Variants in SLC9A9 observed in about 807,000 individuals in gnomAD.
SLC9A9 encodes sodium/hydrogen exchanger 9.
SLC9A9 carries 62 observed loss-of-function variants against 77.8 expected under a neutral mutation model. The observed-to-expected ratio is 0.80, with a 90% CI of 0.65 to 0.98. The LOEUF (loss-of-function observed/expected upper bound fraction) is 0.98, where lower values mean the gene tolerates loss of function less well. Among genes scored for constraint, SLC9A9 ranks in the 50% least tolerant of loss-of-function variants. The pLI is 0.00. For missense variants in SLC9A9, 775 were observed against 774.9 expected, an observed-to-expected ratio of 1.00 and a Z score of 0.00; for synonymous variants, 320 against 283.5, an observed-to-expected ratio of 1.13 and a Z score of -1.29.
intron 4 of SLC9A9, among the ~76,000 whole-genome samples, chr3:143,718,900 A>G (rs967182173): frequency 2.0e-5 from 3 of 152,138 alleles, no homozygotes; most frequent in Non-Finnish European, 4.4e-5. Context: ...AAGCATTCCT[A>G]TTTAGTAGCT....
intron 4 of SLC9A9, among the ~76,000 whole-genome samples, chr3:143,702,511 T>A (rs558838317): frequency 1.1e-3 from 167 of 151,732 alleles, no homozygotes; most frequent in African/African-American, 4.0e-3. Context: ...AAATAATGAG[T>A]TACAAGATAG....
At chr3:143,830,966 T>C (rs1576757946) in intron 2 of SLC9A9, among the ~76,000 whole-genome samples, 1 of 152,308 alleles carries the variant, frequency 6.6e-6, no homozygotes, top group East Asian at 1.9e-4. Context: ...TTGACTTTCC[T>C]GAGCCCTTAC....
rs533285573 is a variant in SLC9A9, at chr3:143,765,004, T to C, written c.533+29997A>G. 1.1e-3 allele frequency among the ~76,000 whole-genome samples: 169 copies of C among 150,380 alleles called. 1 individual carries two copies. Among genetic ancestry groups the C allele is most frequent in the East Asian group, 0.011 (57 of 5,156 alleles). The stretch of plus-strand genomic sequence containing the variant: ...CTTCCTTCCTTCCTTCCTTCCTTTC[T>C]TTCTTTCTCTCTTTCTCTTTCTTTC... On this transcript the variant is annotated intron_variant, in intron 4 of 15. Coordinates refer to ENST00000316549, the MANE Select transcript of SLC9A9 (RefSeq NM_173653.4).
chr3:143,667,539 C>T (rs1375491883), intron 5 of SLC9A9, among the ~76,000 whole-genome samples: 1 of 152,154 alleles, frequency 6.6e-6, no homozygotes, highest in Non-Finnish European at 1.5e-5. Flanking sequence ...TCAGAGTGAG[C>T]AGGCAACCTA....
intron 4 of SLC9A9, among the ~76,000 whole-genome samples, chr3:143,784,286 TC>T (rs907369346): frequency 6.6e-6 from 1 of 152,182 alleles, no homozygotes; most frequent in African/African-American, 2.4e-5. Flanking sequence ...TTATGTATTT[TC>T]CCACACAAAT....
intron 6 of SLC9A9, among the ~76,000 whole-genome samples, chr3:143,605,766 T>G (rs192805213): frequency 4.2e-4 from 64 of 152,338 alleles, no homozygotes; most frequent in African/African-American, 1.4e-3. Flanking sequence ...CATCACTCAG[T>G]GCTGACAGGT....
chr3:143,366,972 A>C (rs1410127729), intron 13 of SLC9A9, among the ~76,000 whole-genome samples: 2 of 152,220 alleles, frequency 1.3e-5, no homozygotes, highest in Non-Finnish European at 2.9e-5. Flanking sequence ...GTGAACTGCC[A>C]ATGGCTTTGA....
chr3:143,308,531 G>A (rs528413137), intron 14 of SLC9A9, among the ~76,000 whole-genome samples: 28 of 151,562 alleles, frequency 1.8e-4, no homozygotes, highest in Non-Finnish European at 2.8e-4. Flanking sequence ...AGCCGAGATC[G>A]CACCACTGCA....
intron 9 of SLC9A9, among the ~76,000 whole-genome samples, chr3:143,536,693 A>T (rs767355342): frequency 5.3e-5 from 8 of 152,216 alleles, no homozygotes; most frequent in Non-Finnish European, 8.8e-5. Context: ...TTATTTGGGT[A>T]ATGTCTTAGA....
At chr3:143,454,986 C>G (rs1233513347) in intron 12 of SLC9A9, among the ~76,000 whole-genome samples, 3 of 152,164 alleles carry the variant, frequency 2.0e-5, no homozygotes, top group African/African-American at 7.2e-5. Context: ...ATTAAGTCAG[C>G]CTCACAAGGT....
intron 11 of SLC9A9, among the ~76,000 whole-genome samples, chr3:143,473,653 A>G (rs2035415854): frequency 6.6e-6 from 1 of 152,218 alleles, no homozygotes; most frequent in Non-Finnish European, 1.5e-5. Flanking sequence ...CATACTGCCC[A>G]TGCCACTTGT....
chr3:143,599,675 G>A (rs2037812819), intron 6 of SLC9A9, among the ~76,000 whole-genome samples: 1 of 151,908 alleles, frequency 6.6e-6, no homozygotes, highest in Admixed American at 6.6e-5. Context: ...GAGCAATAAG[G>A]AATCCAAATT....
At chr3:143,695,192 T>G (rs903857364) in intron 4 of SLC9A9, among the ~76,000 whole-genome samples, 2 of 152,034 alleles carry the variant, frequency 1.3e-5, no homozygotes, top group South Asian at 2.1e-4. Context: ...TTATTACTAT[T>G]ATTATTATTA....
chr3:143,404,636 A>G (rs1469169922), intron 12 of SLC9A9, among the ~76,000 whole-genome samples: 1 of 152,012 alleles, frequency 6.6e-6, no homozygotes, highest in African/African-American at 2.4e-5. Context: ...GGCTGCACTA[A>G]TCTACCTCTT....
At chr3:143,604,502 G>A (rs1405348762) in intron 6 of SLC9A9, among the ~76,000 whole-genome samples, 1 of 152,194 alleles carries the variant, frequency 6.6e-6, no homozygotes, top group Non-Finnish European at 1.5e-5. Context: ...GAGTTGGGAT[G>A]GCAACCAGAA....
intron 4 of SLC9A9, among the ~76,000 whole-genome samples, chr3:143,704,357 C>T (rs6769564): frequency 0.53 from 80,438 of 151,236 alleles, 21,693 homozygotes; most frequent in Non-Finnish European, 0.57. Context: ...CAATAACGCA[C>T]TGAAAACATC....
At chr3:143,662,666 C>T (rs946161693) in intron 5 of SLC9A9, among the ~76,000 whole-genome samples, 11 of 152,196 alleles carry the variant, frequency 7.2e-5, no homozygotes, top group African/African-American at 9.6e-5. Flanking sequence ...ATGCCTGTCT[C>T]GGTGGGTCCT....
At chr3:143,609,766 C>G (rs971307618) in intron 6 of SLC9A9, among the ~76,000 whole-genome samples, 1 of 152,168 alleles carries the variant, frequency 6.6e-6, no homozygotes, top group Admixed American at 6.5e-5. Context: ...TATTAGATAT[C>G]TTTCCACATC....
At position 143,517,053 on chromosome 3, in the gene SLC9A9, A is replaced by C. The variant is rs192429795; in HGVS notation, c.1090-21605T>G. 522 of 897,856 alleles carry C rather than the reference A, an allele frequency of 5.8e-4. 9 individuals carry two copies. The East Asian group carries it at 0.012, about 20-fold the overall frequency. 55.6% of individuals were successfully genotyped at this position (897,856 alleles called of 1,614,324 possible). A position where few individuals can be genotyped will look rare whatever the true frequency, so the allele number is the denominator to read the frequency against. ...AGTAATTGAAATTCTTGTTTAATAA[A>C]TAGCATGTCAATTTCTTTAACTTTT... On this transcript the variant is annotated intron_variant, in intron 9 of 15. Transcript: ENST00000316549.
Sources: gnomAD v4.1 joint callset for allele counts (sites outside exome capture counted in the v4.1 genomes callset) on GRCh38, gnomAD v4.1.1 for gene constraint, MANE v1.5 for transcripts, NCBI Gene and HGNC (gene_info 2026-07-23, HGNC 2026-07-21) for gene names.